METTL24: variants seen among roughly 807,000 people sequenced by gnomAD.
The protein encoded by METTL24 is probable methyltransferase-like protein 24.
In METTL24, 29 loss-of-function variants were observed where a neutral mutation model predicts 32.7. The ratio of observed to expected loss-of-function variants is 0.89; its 90% CI spans 0.66 to 1.21. METTL24 has a LOEUF of 1.21. METTL24 is among the 50% of genes most tolerant of loss of function. METTL24 has a pLI of 0.00. For synonymous variants in METTL24, 163 were observed against 179.5 expected (o/e 0.91, Z 0.73); for missense variants, 439 against 468.1 (o/e 0.94, Z 0.57).
chr6:110,303,141 G>C (rs937408662), intron 3 of METTL24, among the ~76,000 whole-genome samples: 1 of 152,146 alleles, frequency 6.6e-6, no homozygotes, highest in Admixed American at 6.5e-5. Flanking sequence ...CGGATACTAC[G>C]CTTTTCCCAT....
intron 3 of METTL24, among the ~76,000 whole-genome samples, chr6:110,300,094 C>G (rs566213113): frequency 4.6e-5 from 7 of 152,174 alleles, no homozygotes; most frequent in Non-Finnish European, 4.4e-5. Context: ...TCAATAAATA[C>G]AGTGAGCCCT....
At chr6:110,334,466 C>T (rs1357665276) in intron 1 of METTL24, among the ~76,000 whole-genome samples, 2 of 152,136 alleles carry the variant, frequency 1.3e-5, no homozygotes, top group Non-Finnish European at 2.9e-5. Context: ...TGGCACAGGA[C>T]ATTGACGGGA....
At chr6:110,318,294 A>G (rs1344502410) in intron 2 of METTL24, among the ~76,000 whole-genome samples, 1 of 152,188 alleles carries the variant, frequency 6.6e-6, no homozygotes, top group Admixed American at 6.5e-5. Context: ...TCTATTGAAG[A>G]GACATTCTTT....
rs58600122 is a variant in METTL24, at chr6:110,319,270, ATGTGTG to A, written c.417+3498_417+3503del. Among the ~76,000 whole-genome samples, 873 of 148,586 alleles carry A rather than the reference ATGTGTG, an allele frequency of 5.9e-3. 4 individuals are homozygous for A. Among genetic ancestry groups the A allele is most frequent in the Middle Eastern group, 0.01 (3 of 288 alleles). On this transcript the variant is annotated intron_variant, in intron 2 of 4. Coordinates refer to ENST00000338882, the MANE Select transcript of METTL24 (RefSeq NM_001123364.3). Reference sequence around the variant, plus strand: ...TTATTGTTTTTATCCCTGTGTGTGTATGTGTGTGTGTGTGTGTGTGTGTGTAGCAGT... The same window carrying A: ...TTATTGTTTTTATCCCTGTGTGTGTATGTGTGTGTGTGTGTGTGTAGCAGT...
At chr6:110,274,383 A>G (rs973292057) in intron 4 of METTL24, among the ~76,000 whole-genome samples, 5 of 152,142 alleles carry the variant, frequency 3.3e-5, no homozygotes, top group African/African-American at 1.2e-4. Context: ...GTGAGCCACC[A>G]TTATTCTAAA....
chr6:110,297,396 A>G (rs993403011), intron 4 of METTL24, among the ~76,000 whole-genome samples: 1 of 152,206 alleles, frequency 6.6e-6, no homozygotes, highest in Non-Finnish European at 1.5e-5. Flanking sequence ...CTTTTGCTAC[A>G]GTATTATTGG....
In METTL24 at chr6:110,335,566, GTTTTTTTTT is replaced by G. The variant is rs527344096; in HGVS notation, c.319-12703_319-12695del. ...TGCTTTGTACTTGTAGGGAATCATT[GTTTTTTTTT>G]TTTTTTTTTTTTTTTTTTTATGAAA... On this transcript the variant is annotated intron_variant, in intron 1 of 4. Transcript: ENST00000338882. 2.1e-4 allele frequency among the ~76,000 whole-genome samples: 14 copies of G among 66,140 alleles called. No individual in the cohort carries two copies. The South Asian group carries it at 2.6e-3, about 12-fold the overall frequency. 43.4% of individuals were successfully genotyped at this position (66,140 alleles called of 152,430 possible).
At chr6:110,272,552 T>G (rs1770976714) in intron 4 of METTL24, among the ~76,000 whole-genome samples, 1 of 152,236 alleles carries the variant, frequency 6.6e-6, no homozygotes, top group South Asian at 2.1e-4. Context: ...CATTCTGTTT[T>G]CCATAGTGGT....
intron 1 of METTL24, among the ~76,000 whole-genome samples, chr6:110,344,673 C>A (rs1772433880): frequency 6.6e-6 from 1 of 152,022 alleles, no homozygotes; most frequent in African/African-American, 2.4e-5. Flanking sequence ...GTTTCCCAAG[C>A]AATGGGGAAA....
rs752308291 is a variant in METTL24 at position 110,315,368 on chromosome 6, G to T, written c.531C>A (p.Asn177Lys). 8 of 1,614,198 alleles carry T rather than the reference G, an allele frequency of 5.0e-6. No individual in the cohort carries two copies. The East Asian group carries it at 1.3e-4, about 27-fold the overall frequency. ...CTAAGGAGTAGAGGCGGCACTGCTT[G>T]TTGCGGATTTGATGAGCTAAATTGA... ...DRFNLAHQIR[N>K]KQCRLYSLGL... The change falls in exon 3 of 5, where the codon AAC (asparagine) becomes AAA (lysine). Residue 177 changes from asparagine (N) to lysine (K), a missense_variant. Coordinates refer to ENST00000338882, the MANE Select transcript of METTL24 (RefSeq NM_001123364.3).
chr6:110,285,938 C>G (rs1203314872), intron 4 of METTL24, among the ~76,000 whole-genome samples: 1 of 152,216 alleles, frequency 6.6e-6, no homozygotes, highest in Non-Finnish European at 1.5e-5. Context: ...TGAAATCTTC[C>G]TCTTTTGTAA....
At chr6:110,292,659 G>T (rs1388448812) in intron 4 of METTL24, among the ~76,000 whole-genome samples, 2 of 151,652 alleles carry the variant, frequency 1.3e-5, no homozygotes, top group Admixed American at 6.6e-5. Flanking sequence ...TGGAAATTTT[G>T]TATGTAATCA....
At chr6:110,305,404 GA>G (rs1016321710) in intron 3 of METTL24, among the ~76,000 whole-genome samples, 2 of 151,616 alleles carry the variant, frequency 1.3e-5, no homozygotes, top group South Asian at 2.1e-4. Context: ...TACAGAATGG[GA>G]AAAAAAATTT....
At chr6:110,337,685 C>T (rs912709684) in intron 1 of METTL24, among the ~76,000 whole-genome samples, 2 of 152,192 alleles carry the variant, frequency 1.3e-5, no homozygotes, top group Non-Finnish European at 2.9e-5. Context: ...AATCCTGTTG[C>T]ATCATGACCC....
At chr6:110,311,468 GTTT>G (rs1051868507) in intron 3 of METTL24, among the ~76,000 whole-genome samples, 1 of 96,152 alleles carries the variant, frequency 1.0e-5, no homozygotes. Context: ...TTCTTTCTTT[GTTT>G]TTTTTTTTTT....
At chr6:110,311,046 C>T (rs2114743208) in intron 3 of METTL24, among the ~76,000 whole-genome samples, 1 of 152,210 alleles carries the variant, frequency 6.6e-6, no homozygotes, top group East Asian at 1.9e-4. Flanking sequence ...TACTACCTGC[C>T]CTCCCCACCT....
Position 110,245,846 on chromosome 6 carries a change from AC to A in METTL24, c.*99del. ...ACACACTCCCTGCCTCAAGCAGGGCACAGGCTAGCAGGAGACTGGATGAGTA... is the reference window on the plus strand; with the variant it reads ...ACACACTCCCTGCCTCAAGCAGGGCAAGGCTAGCAGGAGACTGGATGAGTA... On this transcript the variant is annotated 3_prime_UTR_variant, in exon 5 of 5. Coordinates refer to ENST00000338882, the MANE Select transcript of METTL24 (RefSeq NM_001123364.3). 8.2e-7 allele frequency: 1 copy of A among 1,220,668 alleles called. No individual in the cohort carries two copies. The highest frequency in any genetic ancestry group is 1.4e-5 in the South Asian group (1 of 70,224). 75.6% of individuals were successfully genotyped at this position (1,220,668 alleles called of 1,614,324 possible).
chr6:110,318,651 C>CAAAAAAAA (rs56890760), intron 2 of METTL24, among the ~76,000 whole-genome samples: 4 of 90,462 alleles, frequency 4.4e-5, no homozygotes, highest in Non-Finnish European at 7.3e-5. Context: ...GACTCTACCT[C>CAAAAAAAA]AAAAAAAAAA....
intron 4 of METTL24, among the ~76,000 whole-genome samples, chr6:110,269,116 AGCGGTT>A (rs1770909751): frequency 6.6e-6 from 1 of 152,184 alleles, no homozygotes; most frequent in Admixed American, 6.5e-5. Context: ...TAATTTGGGA[AGCGGTT>A]GCTGTTTAAG....
Sources: gnomAD v4.1 joint callset for allele counts (sites outside exome capture counted in the v4.1 genomes callset) on GRCh38, gnomAD v4.1.1 for gene constraint, MANE v1.5 for transcripts, NCBI Gene and HGNC (gene_info 2026-07-23, HGNC 2026-07-21) for gene names.